The following SOX5 variants were observed in gnomAD, a reference collection of about 807,000 sequenced individuals.
SOX5 encodes SRY-box transcription factor 5.
Under a neutral mutation model 92.0 loss-of-function variants are expected in SOX5, and 9 were observed. The ratio of observed to expected loss-of-function variants is 0.10; its 90% CI spans 0.06 to 0.17. The LOEUF (loss-of-function observed/expected upper bound fraction) is 0.17, where lower values mean the gene tolerates loss of function less well. Among genes scored for constraint, SOX5 ranks in the 10% least tolerant of loss-of-function variants. The pLI, the probability that SOX5 is intolerant of heterozygous loss-of-function variation, is 1.00. For synonymous variants in SOX5, 344 were observed against 336.3 expected (o/e 1.02, Z -0.25); for missense variants, 642 against 944.5 (o/e 0.68, Z 4.20).
intron 2 of SOX5, among the ~76,000 whole-genome samples, chr12:24,290,483 T>C (rs1946496213): frequency 6.6e-6 from 1 of 152,236 alleles, no homozygotes; most frequent in Non-Finnish European, 1.5e-5. Flanking sequence ...GCCATTATTA[T>C]CCTCATTCCA....
rs1594991504 is a variant in SOX5, at chr12:23,845,914, C to G, written c.481+69G>C. On this transcript the variant is annotated intron_variant, in intron 3 of 14. Transcript: ENST00000451604. ...TAAGAGTATAAATCAAAAAACAAAT[C>G]AAGAAATTAAAATCAAAGTATTAAA... is the stretch of plus-strand genomic sequence containing the variant. The G allele has an allele frequency of 2.3e-6, 3 of 1,280,084 alleles. No individual in the cohort carries two copies. In the Admixed American group the frequency reaches 5.1e-5, roughly 22 times the overall value. 79.3% of individuals were successfully genotyped at this position (1,280,084 alleles called of 1,614,324 possible). A position where few individuals can be genotyped will look rare whatever the true frequency, so the allele number is the denominator to read the frequency against.
At chr12:23,787,447 A>G (rs1246846530) in intron 3 of SOX5, among the ~76,000 whole-genome samples, 1 of 152,008 alleles carries the variant, frequency 6.6e-6, no homozygotes, top group East Asian at 1.9e-4. Flanking sequence ...TTTATATTAA[A>G]GGGCAGTTAG....
chr12:23,779,329 T>C (rs1594339184), intron 3 of SOX5, among the ~76,000 whole-genome samples: 1 of 150,908 alleles, frequency 6.6e-6, no homozygotes. Flanking sequence ...AGTAAAATCA[T>C]GTGATTTTAC....
intron 2 of SOX5, among the ~76,000 whole-genome samples, chr12:24,281,307 G>C (rs890201952): frequency 1.3e-5 from 2 of 149,274 alleles, no homozygotes; most frequent in African/African-American, 5.0e-5. Flanking sequence ...TCCCCTATTA[G>C]ATAAAGTATA....
intron 2 of SOX5, among the ~76,000 whole-genome samples, chr12:23,878,979 C>T (rs1344182012): frequency 6.6e-6 from 1 of 152,104 alleles, no homozygotes; most frequent in Non-Finnish European, 1.5e-5. Flanking sequence ...TTGCCAGAAT[C>T]TTCTCCTGTT....
chr12:24,142,905 C>T (rs1404495098), intron 4 of SOX5, among the ~76,000 whole-genome samples: 1 of 150,826 alleles, frequency 6.6e-6, no homozygotes, highest in Non-Finnish European at 1.5e-5. Context: ...GAGGGCCCTC[C>T]TTAAGTATTT....
At chr12:24,444,330 C>G (rs1596708013) in intron 1 of SOX5, among the ~76,000 whole-genome samples, 1 of 151,726 alleles carries the variant, frequency 6.6e-6, no homozygotes, top group East Asian at 1.9e-4. Context: ...GTGATTATCC[C>G]TACTCCATAG....
chr12:23,808,660 T>C (rs1200464807), intron 3 of SOX5, among the ~76,000 whole-genome samples: 1 of 152,130 alleles, frequency 6.6e-6, no homozygotes, highest in Non-Finnish European at 1.5e-5. Flanking sequence ...TAAATATAAC[T>C]AGTGGGCATC....
At chr12:23,882,574 G>T (rs1382172718) in intron 2 of SOX5, among the ~76,000 whole-genome samples, 2 of 152,128 alleles carry the variant, frequency 1.3e-5, no homozygotes, top group African/African-American at 4.8e-5. Context: ...TATAGTATAT[G>T]AAGCTACAGA....
intron 2 of SOX5, among the ~76,000 whole-genome samples, chr12:23,874,494 A>T (rs1034052385): frequency 1.3e-5 from 2 of 152,192 alleles, no homozygotes; most frequent in Non-Finnish European, 2.9e-5. Context: ...CCTAAAATGA[A>T]AGGAAAGGGG....
At chr12:23,851,721 C>T (rs1261922250) in intron 2 of SOX5, among the ~76,000 whole-genome samples, 5 of 151,818 alleles carry the variant, frequency 3.3e-5, no homozygotes, top group Non-Finnish European at 7.4e-5. Flanking sequence ...CAGTAGTTCA[C>T]CGAGAGAGAG....
intron 8 of SOX5, among the ~76,000 whole-genome samples, chr12:23,623,107 A>C (rs992569018): frequency 6.6e-6 from 1 of 152,188 alleles, no homozygotes; most frequent in African/African-American, 2.4e-5. Flanking sequence ...ACTGGCACAC[A>C]CATGCATATG....
At chr12:23,627,215 T>C (rs2077943045) in intron 8 of SOX5, among the ~76,000 whole-genome samples, 2 of 152,142 alleles carry the variant, frequency 1.3e-5, no homozygotes, top group Admixed American at 6.5e-5. Context: ...TTTTACGGAA[T>C]GGAAAGAAAG....
rs539664570 is a variant in SOX5 at position 24,294,081 on chromosome 12, C to T, written c.-173-16769G>A. Among the ~76,000 whole-genome samples, 26 of 152,290 alleles carry T rather than the reference C, an allele frequency of 1.7e-4. No homozygotes were observed. In the South Asian group the frequency reaches 5.4e-3, roughly 32 times the overall value. ...CAAAAGCATCAGAAATACATGTGTTCGTAAGTGCAGATTCAAAATGCTAAA... is the reference window on the plus strand; with the variant it reads ...CAAAAGCATCAGAAATACATGTGTTTGTAAGTGCAGATTCAAAATGCTAAA... On this transcript the variant is annotated intron_variant, in intron 2 of 4. Coordinates refer to the SOX5 transcript ENST00000446891.
intron 4 of SOX5, among the ~76,000 whole-genome samples, chr12:24,160,531 T>C (rs2138976985): frequency 6.6e-6 from 1 of 152,110 alleles, no homozygotes; most frequent in African/African-American, 2.4e-5. Context: ...TTGGCAGTGA[T>C]CTTTCTTTTA....
intron 2 of SOX5, among the ~76,000 whole-genome samples, chr12:24,331,589 C>T (rs1168088294): frequency 6.6e-6 from 1 of 151,984 alleles, no homozygotes; most frequent in East Asian, 1.9e-4. Flanking sequence ...GTGGCTCACA[C>T]CTGTAATCCC....
intron 1 of SOX5, among the ~76,000 whole-genome samples, chr12:24,426,792 G>A (rs749036535): frequency 5.9e-5 from 9 of 152,090 alleles, no homozygotes; most frequent in South Asian, 2.1e-4. Context: ...ACTAAGTCTC[G>A]GGGAATCTTC....
chr12:23,539,830 T>TAAAG (rs1024016894), intron 13 of SOX5, among the ~76,000 whole-genome samples: 3 of 152,108 alleles, frequency 2.0e-5, no homozygotes, highest in African/African-American at 7.2e-5. Context: ...AAACTAAGAA[T>TAAAG]AAAGATAGGC....
chr12:24,111,722 C>T (rs1218623941), intron 4 of SOX5, among the ~76,000 whole-genome samples: 2 of 152,080 alleles, frequency 1.3e-5, no homozygotes, highest in Non-Finnish European at 2.9e-5. Context: ...AAAAATACTA[C>T]CATTAAACCT....
Sources: allele counts gnomAD v4.1 joint callset (sites outside exome capture counted in the v4.1 genomes callset), GRCh38; gene constraint gnomAD v4.1.1; transcripts MANE v1.5; gene names NCBI Gene and HGNC (gene_info 2026-07-23, HGNC 2026-07-21).